The following MED23 variants were observed in gnomAD, a reference collection of about 807,000 sequenced individuals.
The protein encoded by MED23 is mediator of RNA polymerase II transcription subunit 23.
In MED23, 105 loss-of-function variants were observed where a neutral mutation model predicts 163.9. That is an observed-to-expected ratio of 0.64 (90% CI 0.55 to 0.75). The LOEUF (loss-of-function observed/expected upper bound fraction) is 0.75. MED23 is among the 30% of genes least tolerant of loss of function. The pLI is 0.00. For synonymous variants in MED23, 561 were observed against 565.6 expected (o/e 0.99, Z 0.12); for missense variants, 1,054 against 1,649.0 (o/e 0.64, Z 6.25).
At chr6:131,627,729 C>T (rs990369969) in intron 1 of MED23, 57 bp from the exon 2 acceptor site, 37 of 1,504,576 alleles carry the variant, frequency 2.5e-5, no homozygotes, top group Non-Finnish European at 3.4e-5. Flanking sequence ...AGGCGCCTCC[C>T]TTAGCCAAGT....
At chr6:131,627,253 GA>G (rs1777568521) in intron 3 of MED23, 142 bp downstream of exon 3, 2 of 689,778 alleles carry the variant, frequency 2.9e-6, no homozygotes, top group Non-Finnish European at 4.8e-6. Context: ...ATGGAAGCCA[GA>G]ATAAAAAATG....
At chr6:131,581,199 C>T (rs1248182934) in intron 30 of MED23, 1 of 1,613,520 alleles carries the variant, frequency 6.2e-7, no homozygotes, top group Non-Finnish European at 8.5e-7. Flanking sequence ...GATGTTCACA[C>T]AAAATTTTTT....
chr6:131,582,796 G>T, downstream of MED23: 2 of 1,210,120 alleles, frequency 1.7e-6, no homozygotes, highest in Non-Finnish European at 2.5e-6. Context: ...AACTCTATGA[G>T]AGAAAATTAA....
chr6:131,617,777 A>T (rs1776799374), intron 9 of MED23, among the ~76,000 whole-genome samples: 1 of 152,192 alleles, frequency 6.6e-6, no homozygotes, highest in South Asian at 2.1e-4. Flanking sequence ...AAGACTGCTC[A>T]CTAATGCAAC....
chr6:131,584,146 G>T, downstream of MED23: 1 of 515,582 alleles, frequency 1.9e-6, no homozygotes, highest in Non-Finnish European at 3.4e-6. Context: ...CTTAGAAAGA[G>T]AAGTGTACAT....
chr6:131,591,445 C>G lies in MED23; in HGVS notation c.3554G>C (p.Gly1185Ala). Residue 1185 changes from glycine to alanine, a missense_variant, in exon 26 of 29, where the codon GGC becomes GCC. Physicochemically the swap from Gly to Ala is moderately conservative, Grantham distance 60 (BLOSUM62 0). Around this residue, in one of 11 missense-constraint regions of MED23, gnomAD observed 362 missense variants for 471.6 expected, o/e 0.77. Coordinates refer to ENST00000368068, the MANE Select transcript of MED23 (RefSeq NM_004830.4). ...GAAATCAAAGAGGCGGAATGGATAG[C>G]CAACCCACTCTGTTTCAGACGTCAA... is the stretch of plus-strand genomic sequence containing the variant. ...PSLTSETEWV[G>A]YPFRLFDFTA... 2.5e-6 allele frequency: 4 copies of G among 1,613,876 alleles called. No homozygotes were observed. The highest frequency in any genetic ancestry group is 3.4e-6 in the Non-Finnish European group (4 of 1,179,840).
Position 131,579,167 on chromosome 6 carries a change from C to G in MED23, c.4096-4872G>C, listed in dbSNP as rs756825623. The G allele has an allele frequency of 2.5e-6, 4 of 1,614,018 alleles. No homozygotes were observed. The Admixed American group carries it at 5.0e-5, about 20-fold the overall frequency. On this transcript the variant is annotated intron_variant, in intron 30 of 30. Transcript: ENST00000354577. Reference sequence around the variant, plus strand: ...CTTTGCTGACATCCCTAATGACAGTCCCTTTCAAATTGTGAAGAATCCAAG... The same window carrying G: ...CTTTGCTGACATCCCTAATGACAGTGCCTTTCAAATTGTGAAGAATCCAAG...
intron 24 of MED23, 103 bp from the exon 25 acceptor site, chr6:131,592,563 AC>A: frequency 1.0e-6 from 1 of 966,768 alleles, no homozygotes; most frequent in Non-Finnish European, 1.6e-6. Flanking sequence ...CAGAGGATCG[AC>A]AACTAATCCA....
chr6:131,594,098 T>C lies in MED23; in HGVS notation c.3232+1A>G. ...GTCTAAAATCACAATAAAAAGGATA[T>C]TATCGACTAGTCTGCCAATCAATCT... On this transcript the variant is annotated splice_donor_variant, in intron 23 of 28. Coordinates refer to ENST00000368068, the MANE Select transcript of MED23 (RefSeq NM_004830.4). LOFTEE classifies it high-confidence loss of function. 6.2e-7 allele frequency: 1 copy of C among 1,606,826 alleles called. No individual in the cohort carries two copies.
At chr6:131,614,593 T>C (rs1776526979) in intron 10 of MED23, among the ~76,000 whole-genome samples, 1 of 152,148 alleles carries the variant, frequency 6.6e-6, no homozygotes, top group Non-Finnish European at 1.5e-5. Flanking sequence ...AGTGTTTTTC[T>C]CCCACCACAG....
intron 4 of MED23, among the ~76,000 whole-genome samples, chr6:131,624,050 A>C (rs1162185446): frequency 6.6e-6 from 1 of 152,218 alleles, no homozygotes; most frequent in Non-Finnish European, 1.5e-5. Flanking sequence ...ACTAGAAAGA[A>C]GTCTATCTAA....
rs1167086256 is a variant in MED23, at chr6:131,598,351, T to G, written c.2543A>C (p.Glu848Ala). 1 of 1,614,132 alleles carries G rather than the reference T, an allele frequency of 6.2e-7. No homozygotes were observed. Among genetic ancestry groups the G allele is most frequent in the South Asian group, 1.1e-5 (1 of 91,086 alleles). The change falls in exon 20 of 29, where the codon GAA (glutamate) becomes GCA (alanine). Residue 848 changes from glutamate (E) to alanine (A), a missense_variant. Physicochemically the swap from Glu to Ala is moderately radical, Grantham distance 107. Transcript: ENST00000368068. This position sits in a 1 kb window ranked among gnomAD's most constrained non-coding sequence, Gnocchi z 4.7. ...AGGQQLNKCI[E>A]ILNDMVWKYN... ...CTTCCATACCATGTCATTAAGAATT[T>G]CAATGCATTTATTGAGTTGCTGACC...
At chr6:131,611,209 G>A (rs1000930971) in intron 10 of MED23, among the ~76,000 whole-genome samples, 1 of 151,912 alleles carries the variant, frequency 6.6e-6, no homozygotes, top group Non-Finnish European at 1.5e-5. Flanking sequence ...AAAGGGATAT[G>A]ATTTTTTCAA....
downstream of MED23, chr6:131,584,267 GGTACTATGTGTC>G (rs1035699012): frequency 2.4e-5 from 6 of 253,022 alleles, no homozygotes; most frequent in Non-Finnish European, 4.6e-5. Flanking sequence ...CATGTGGAAA[GGTACTATGTGTC>G]CATGTCATTC....
chr6:131,627,218 C>A, intron 3 of MED23, 178 bp downstream of exon 3: 1 of 621,260 alleles, frequency 1.6e-6, no homozygotes, highest in Non-Finnish European at 2.8e-6. Flanking sequence ...ACAGGTTTTC[C>A]ACTGAAATAT....
At chr6:131,584,092 G>A (rs1316628197), downstream of MED23, 1 of 691,616 alleles carries the variant, frequency 1.4e-6, no homozygotes, top group Admixed American at 3.2e-5. Flanking sequence ...TAACTTTTTT[G>A]AAATTTAAAA....
chr6:131,581,487 A>C, intron 30 of MED23: 800 of 1,273,462 alleles, frequency 6.3e-4, no homozygotes, highest in Non-Finnish European at 8.0e-4. Context: ...GTGTAATCTC[A>C]AATCATTTTC....
intron 30 of MED23, chr6:131,576,774 C>G (rs769118957): frequency 4.5e-6 from 7 of 1,557,860 alleles, no homozygotes; most frequent in Non-Finnish European, 6.2e-6. Context: ...CTGATTTCCT[C>G]CCCACTCTGA....
At chr6:131,577,449 T>G (rs1439048882) in intron 30 of MED23, among the ~76,000 whole-genome samples, 1 of 152,334 alleles carries the variant, frequency 6.6e-6, no homozygotes, top group South Asian at 2.1e-4. Context: ...TGTGTGGATA[T>G]GTTTTCATTT....
Sources: gnomAD v4.1 joint callset for allele counts (sites outside exome capture counted in the v4.1 genomes callset) on GRCh38, gnomAD v4.1.1 for gene constraint, gnomAD v4.1.1 regional missense constraint, Gnocchi (gnomAD v3.1) non-coding constraint, MANE v1.5 for transcripts, NCBI Gene and HGNC (gene_info 2026-07-23, HGNC 2026-07-21) for gene names.